The following ARMC2 variants were observed in gnomAD, a reference collection of about 807,000 sequenced individuals.
ARMC2 encodes armadillo repeat-containing protein 2.
In ARMC2, 67 loss-of-function variants were observed where a neutral mutation model predicts 90.3. The observed-to-expected ratio is 0.74, with a 90% confidence interval of 0.61 to 0.91. The LOEUF is 0.91. ARMC2 is among the 40% of genes least tolerant of loss of function. The pLI, the probability that ARMC2 is intolerant of heterozygous loss-of-function variation, is 0.00. For missense variants in ARMC2, 920 were observed against 1,030.9 expected (o/e 0.89, Z 1.47); for synonymous variants, 393 against 393.0 (o/e 1.00, Z 0.00).
chr6:108,967,117 A>G (rs1335465889), intron 17 of ARMC2, among the ~76,000 whole-genome samples: 3 of 152,052 alleles, frequency 2.0e-5, no homozygotes, highest in African/African-American at 7.2e-5. Context: ...TTCTCTCCCC[A>G]CTTACTCTCT....
chr6:108,869,794 G>C (rs559126982), intron 4 of ARMC2, among the ~76,000 whole-genome samples: 10 of 151,992 alleles, frequency 6.6e-5, no homozygotes, highest in Non-Finnish European at 1.0e-4. Flanking sequence ...AGCCTGAGGA[G>C]TCCCACCAAC....
chr6:108,916,005 T>G (rs1164289428), intron 10 of ARMC2, among the ~76,000 whole-genome samples: 1 of 152,132 alleles, frequency 6.6e-6, no homozygotes, highest in Non-Finnish European at 1.5e-5. Context: ...GATTTTAGAC[T>G]GATTAGAATG....
At chr6:108,988,435 T>C in the ARMC2 span, 1 of 948,632 alleles carries the variant, frequency 1.1e-6, no homozygotes, top group Non-Finnish European at 1.5e-6. Flanking sequence ...ATGTTTTTCT[T>C]TGGGTTGGTA....
At chr6:108,996,042 C>T in the ARMC2 span, among the ~76,000 whole-genome samples, 41 of 152,284 alleles carry the variant, frequency 2.7e-4, no homozygotes, top group Admixed American at 1.6e-3. Context: ...AATTGTTACT[C>T]GCATGATATT....
At position 108,885,618 on chromosome 6, in the gene ARMC2, A is replaced by G. The variant is rs143462436; in HGVS notation, c.672-8849A>G. ...GAACCCAGGAGGCAGAGGTTGCAGTAAGCTGAGATTGCACCCCTGCACTCC... is the reference window on the plus strand; with the variant it reads ...GAACCCAGGAGGCAGAGGTTGCAGTGAGCTGAGATTGCACCCCTGCACTCC... On this transcript the variant is annotated intron_variant, in intron 5 of 17. Transcript: ENST00000392644. 4.2e-4 allele frequency among the ~76,000 whole-genome samples: 64 copies of G among 151,852 alleles called. 1 individual carries two copies. The highest frequency in any genetic ancestry group is 1.4e-3 in the African/African-American group (58 of 41,404).
At chr6:109,026,305 AG>A in the ARMC2 span, among the ~76,000 whole-genome samples, 3 of 152,206 alleles carry the variant, frequency 2.0e-5, no homozygotes, top group African/African-American at 7.2e-5. Flanking sequence ...TGATCTCAGA[AG>A]GAAGTGTGAA....
chr6:108,948,599 A>C (rs994482410), intron 12 of ARMC2, among the ~76,000 whole-genome samples: 2 of 150,674 alleles, frequency 1.3e-5, no homozygotes, highest in Non-Finnish European at 3.0e-5. Flanking sequence ...GGCTGCCAGG[A>C]ACCACCCCCT....
chr6:108,897,649 C>T (rs913552095), intron 6 of ARMC2, among the ~76,000 whole-genome samples: 2 of 151,900 alleles, frequency 1.3e-5, no homozygotes, highest in African/African-American at 4.8e-5. Flanking sequence ...ATGGGAAGGC[C>T]TGTGTGTTGG....
chr6:108,998,111 T>C, the ARMC2 span, among the ~76,000 whole-genome samples: 3 of 152,212 alleles, frequency 2.0e-5, no homozygotes, highest in African/African-American at 4.8e-5. Flanking sequence ...AGCCAGACTG[T>C]TTATTTTGTG....
In ARMC2 at chr6:108,880,113, A is replaced by G. The variant is rs1251769904; in HGVS notation, c.671+3763A>G. 5 of 367,886 alleles carry G rather than the reference A, an allele frequency of 1.4e-5. No homozygotes were observed. In the Admixed American group the frequency reaches 1.5e-4, roughly 11 times the overall value. The allele number at this position is 367,886 out of a possible 1,614,324, so 22.8% of individuals were successfully genotyped here. A position where few individuals can be genotyped will look rare whatever the true frequency, so the allele number is the denominator to read the frequency against. ...AAAAACAGAGAAGTAAATTTCATCA[A>G]TGAAACAACAACAAAAAAATGGCTA... is the stretch of plus-strand genomic sequence containing the variant. On this transcript the variant is annotated intron_variant, in intron 5 of 17. Coordinates refer to ENST00000392644, the MANE Select transcript of ARMC2 (RefSeq NM_032131.6).
intron 4 of ARMC2, among the ~76,000 whole-genome samples, chr6:108,872,520 C>G (rs1238773724): frequency 6.6e-6 from 1 of 152,208 alleles, no homozygotes; most frequent in Non-Finnish European, 1.5e-5. Flanking sequence ...CCACCGTCTG[C>G]TCACTGGGGT....
chr6:108,851,492 T>C (rs905743381), intron 1 of ARMC2, among the ~76,000 whole-genome samples: 5 of 152,218 alleles, frequency 3.3e-5, no homozygotes, highest in African/African-American at 4.8e-5. Context: ...GCTGCTCCTG[T>C]TGGGAAAATA....
At chr6:108,956,696 G>A (rs1777609106) in intron 13 of ARMC2, among the ~76,000 whole-genome samples, 1 of 151,410 alleles carries the variant, frequency 6.6e-6, no homozygotes, top group African/African-American at 2.4e-5. Context: ...GTGAGACCCT[G>A]TCTCCAAGAA....
chr6:108,978,299 T>C (rs537001171), downstream of ARMC2, among the ~76,000 whole-genome samples: 2 of 152,318 alleles, frequency 1.3e-5, no homozygotes, highest in South Asian at 2.1e-4. Flanking sequence ...TTCCATGTAG[T>C]TGAGCGGTTT....
chr6:108,881,296 C>CCCTTCCTTCCTTCCTTCCTTCCTTCCTG (rs148587003), intron 5 of ARMC2, among the ~76,000 whole-genome samples: 1 of 78,176 alleles, frequency 1.3e-5, no homozygotes, highest in African/African-American at 5.3e-5. Flanking sequence ...CCCTCCCCTC[C>CCCTTCCTTCCTTCCTTCCTTCCTTCCTG]CCTTCCTTCC....
chr6:108,871,187 AG>A (rs1776373822), intron 4 of ARMC2, among the ~76,000 whole-genome samples: 1 of 151,990 alleles, frequency 6.6e-6, no homozygotes, highest in Non-Finnish European at 1.5e-5. Flanking sequence ...TGGCTGATCA[AG>A]GGAAGTTGGA....
At chr6:108,984,184 A>G in the ARMC2 span, among the ~76,000 whole-genome samples, 1 of 152,172 alleles carries the variant, frequency 6.6e-6, no homozygotes, top group African/African-American at 2.4e-5. Flanking sequence ...GTCCATGGAA[A>G]AACTGTCTTC....
chr6:109,011,540 T>C, the ARMC2 span, among the ~76,000 whole-genome samples: 1 of 152,272 alleles, frequency 6.6e-6, no homozygotes, highest in Non-Finnish European at 1.5e-5. Context: ...TAGAGTGAAT[T>C]AGTCACTCTA....
At chr6:108,865,556 A>G (rs1317079005) in intron 3 of ARMC2, among the ~76,000 whole-genome samples, 1 of 152,230 alleles carries the variant, frequency 6.6e-6, no homozygotes, top group Non-Finnish European at 1.5e-5. Context: ...ATTAAATGTC[A>G]GTAGTAAAAT....
Sources: gnomAD v4.1 joint callset for allele counts (sites outside exome capture counted in the v4.1 genomes callset) on GRCh38, gnomAD v4.1.1 for gene constraint, MANE v1.5 for transcripts, NCBI Gene and HGNC (gene_info 2026-07-23, HGNC 2026-07-21) for gene names.